The following PTPN4 variants were observed in gnomAD, a reference collection of about 807,000 sequenced individuals.
PTPN4 encodes the protein protein tyrosine phosphatase non-receptor type 4.
Under a neutral mutation model 135.5 loss-of-function variants are expected in PTPN4, and 49 were observed. The observed-to-expected ratio is 0.36, with a 90% CI of 0.29 to 0.46. The LOEUF is 0.46. Ranked by LOEUF, PTPN4 falls within the 20% of genes least tolerant of loss-of-function variation. The pLI, the probability that PTPN4 is intolerant of heterozygous loss-of-function variation, is 1.00. For missense variants in PTPN4, 860 were observed against 1,101.0 expected (o/e 0.78, Z 3.10); for synonymous variants, 333 against 369.9 (o/e 0.90, Z 1.14).
chr2:119,881,209 A>G (rs1030436295), intron 5 of PTPN4, among the ~76,000 whole-genome samples: 5 of 152,324 alleles, frequency 3.3e-5, no homozygotes, highest in Non-Finnish European at 5.9e-5. Flanking sequence ...ATACTTGACA[A>G]TTCTAACAAT....
intron 5 of PTPN4, 32 bp downstream of exon 5, chr2:119,877,574 AT>A (rs770773314): frequency 1.3e-6 from 2 of 1,559,994 alleles, no homozygotes; most frequent in Admixed American, 4.2e-5. Context: ...TCTTGAAAAT[AT>A]TGTCAAAACT....
chr2:119,965,608 A>G lies in PTPN4; in HGVS notation c.2521A>G (p.Arg841Gly). ...LDFVCHVRNK[R>G]AGKEEPVVVH... ...TTTTGTTTGTCATGTACGAAACAAG[A>G]GGGCTGGCAAGGAAGAACCCGTTGT... Residue 841 changes from arginine to glycine, a missense_variant, in exon 25 of 27, where the codon AGG becomes GGG. Physicochemically the swap from Arg to Gly is moderately radical, Grantham distance 125. Around this residue, in one of 2 missense-constraint regions of PTPN4, gnomAD observed 176 missense variants for 294.1 expected, o/e 0.60. Coordinates refer to ENST00000263708, the MANE Select transcript of PTPN4 (RefSeq NM_002830.4). The G allele has an allele frequency of 6.2e-7, 1 of 1,614,100 alleles. No individual in the cohort carries two copies. Among genetic ancestry groups the G allele is most frequent in the Non-Finnish European group, 8.5e-7 (1 of 1,179,988 alleles).
chr2:119,855,638 C>T (rs1052761032), intron 2 of PTPN4, among the ~76,000 whole-genome samples: 1 of 152,042 alleles, frequency 6.6e-6, no homozygotes, highest in Non-Finnish European at 1.5e-5. Context: ...AAATCAGAGA[C>T]GTAATATGCC....
chr2:119,869,675 A>G (rs1677881477), intron 3 of PTPN4, among the ~76,000 whole-genome samples: 1 of 152,140 alleles, frequency 6.6e-6, no homozygotes, highest in Non-Finnish European at 1.5e-5. Context: ...TTGCTAATAT[A>G]TATCTCAGCC....
intron 15 of PTPN4, among the ~76,000 whole-genome samples, chr2:119,944,608 A>G (rs1466756001): frequency 5.9e-5 from 9 of 152,248 alleles, no homozygotes; most frequent in Non-Finnish European, 1.2e-4. Context: ...CAGATTTCCA[A>G]TCCTCACTGC....
intron 10 of PTPN4, among the ~76,000 whole-genome samples, chr2:119,908,901 T>C (rs1250385850): frequency 6.6e-6 from 1 of 151,898 alleles, no homozygotes; most frequent in Non-Finnish European, 1.5e-5. Flanking sequence ...ATATGGAGAG[T>C]ATCTTAGTGG....
chr2:119,860,108 C>G (rs1238675083), intron 2 of PTPN4, among the ~76,000 whole-genome samples: 6 of 152,108 alleles, frequency 3.9e-5, no homozygotes, highest in African/African-American at 7.2e-5. Flanking sequence ...TTTCTTCAAC[C>G]AAAGGTACAT....
intron 15 of PTPN4, among the ~76,000 whole-genome samples, chr2:119,940,540 C>T (rs958132334): frequency 9.9e-5 from 15 of 152,270 alleles, no homozygotes; most frequent in Admixed American, 8.5e-4. Flanking sequence ...ACCACAGCCT[C>T]AAACTACTGT....
intron 15 of PTPN4, among the ~76,000 whole-genome samples, chr2:119,937,393 TTAAG>T (rs1314477565): frequency 1.3e-5 from 2 of 152,204 alleles, no homozygotes; most frequent in Non-Finnish European, 2.9e-5. Flanking sequence ...AATTATTTAT[TTAAG>T]TGAGTACAGG....
At chr2:119,788,763 C>CTAT (rs1209168234) in intron 1 of PTPN4, among the ~76,000 whole-genome samples, 1 of 152,122 alleles carries the variant, frequency 6.6e-6, no homozygotes, top group East Asian at 1.9e-4. Context: ...AATTGCCTAC[C>CTAT]TATTTAAAGG....
At chr2:119,871,526 G>A (rs1226019427) in intron 3 of PTPN4, among the ~76,000 whole-genome samples, 2 of 151,900 alleles carry the variant, frequency 1.3e-5, no homozygotes, top group African/African-American at 4.8e-5. Flanking sequence ...ATGCTGATTG[G>A]GTGTCTGCAC....
chr2:119,894,833 A>G (rs1678296040), intron 9 of PTPN4, among the ~76,000 whole-genome samples: 1 of 152,228 alleles, frequency 6.6e-6, no homozygotes, highest in Admixed American at 6.5e-5. Flanking sequence ...GTCACTAATA[A>G]TGAAAACAAG....
intron 1 of PTPN4, among the ~76,000 whole-genome samples, chr2:119,770,878 C>CTTTTTT (rs11302568): frequency 7.2e-6 from 1 of 138,974 alleles, no homozygotes; most frequent in Non-Finnish European, 1.6e-5. Flanking sequence ...AAGGGTCTAA[C>CTTTTTT]TTTTTTTTTT....
intron 3 of PTPN4, among the ~76,000 whole-genome samples, chr2:119,876,438 G>A (rs963255854): frequency 6.6e-6 from 1 of 152,142 alleles, no homozygotes; most frequent in African/African-American, 2.4e-5. Context: ...GGACAGTGGA[G>A]AGGAAATCAT....
chr2:119,857,176 C>T (rs1366968352), intron 2 of PTPN4, among the ~76,000 whole-genome samples: 1 of 151,654 alleles, frequency 6.6e-6, no homozygotes, highest in Admixed American at 6.6e-5. Context: ...CTCTGCCTCC[C>T]GGGTTCAAGG....
intron 1 of PTPN4, among the ~76,000 whole-genome samples, chr2:119,804,355 G>A (rs1004732012): frequency 4.6e-5 from 7 of 151,938 alleles, no homozygotes; most frequent in African/African-American, 1.7e-4. Context: ...AGGTATACAT[G>A]TGCCATGTTT....
In PTPN4 at chr2:119,981,355, T is replaced by C. The variant is rs1679689471; in HGVS notation, c.*4285T>C. The C allele has an allele frequency of 6.6e-6, 1 of 152,074 alleles. No homozygotes were observed. Among genetic ancestry groups the C allele is most frequent in the Non-Finnish European group, 1.5e-5 (1 of 67,936 alleles). 9.4% of individuals were successfully genotyped at this position (152,074 alleles called of 1,614,324 possible). On this transcript the variant is annotated 3_prime_UTR_variant, in exon 27 of 27. Transcript: ENST00000263708. The stretch of plus-strand genomic sequence containing the variant: ...AACATTGCTTACTTCCCCCATTTGC[T>C]TCACCTATCTGACTACAATTGCTGG...
intron 3 of PTPN4, among the ~76,000 whole-genome samples, chr2:119,865,860 C>A (rs1471368546): frequency 1.3e-5 from 2 of 151,918 alleles, no homozygotes; most frequent in African/African-American, 4.8e-5. Context: ...AATTGATAAA[C>A]TTAAAAGGCA....
chr2:119,821,883 A>G (rs866512370), intron 2 of PTPN4, among the ~76,000 whole-genome samples: 1 of 152,164 alleles, frequency 6.6e-6, no homozygotes, highest in Non-Finnish European at 1.5e-5. Context: ...ATTGCCTTCT[A>G]TTAATATTGC....
Sources: allele counts gnomAD v4.1 joint callset (sites outside exome capture counted in the v4.1 genomes callset), GRCh38; gene constraint gnomAD v4.1.1; regional missense constraint gnomAD v4.1.1; transcripts MANE v1.5; gene names NCBI Gene and HGNC (gene_info 2026-07-23, HGNC 2026-07-21).